Variants in PUDP observed in about 807,000 individuals in gnomAD.
PUDP encodes the protein pseudouridine-5'-phosphatase.
PUDP carries 8 observed loss-of-function variants against 9.4 expected under a neutral mutation model. The observed-to-expected ratio is 0.85, with a 90% CI of 0.50 to 1.53. The LOEUF is 1.53. Ranked by LOEUF, PUDP falls within the 40% of genes most tolerant of loss-of-function variation. The pLI is 0.00. For missense variants in PUDP, 188 were observed against 189.7 expected, an observed-to-expected ratio of 0.99 and a Z score of 0.05; for synonymous variants, 99 against 80.7, an observed-to-expected ratio of 1.23 and a Z score of -1.22.
intron 3 of PUDP, among the ~76,000 whole-genome samples, chrX:7,054,034 G>A (rs750045433): frequency 2.7e-5 from 3 of 112,208 alleles, no homozygotes; most frequent in South Asian, 3.7e-4. Flanking sequence ...GACAAATGTC[G>A]TACATAAAGT....
At chrX:6,811,424 C>T (rs967653629) in intron 3 of PUDP, among the ~76,000 whole-genome samples, 2 of 110,767 alleles carry the variant, frequency 1.8e-5, no homozygotes, top group Non-Finnish European at 3.8e-5. Context: ...AAGCGATTCT[C>T]ATGCCTCAGC....
At chrX:6,718,188 T>A (rs2146653905) in intron 1 of PUDP, among the ~76,000 whole-genome samples, 1 of 111,822 alleles carries the variant, frequency 8.9e-6, no homozygotes, top group South Asian at 3.7e-4. Flanking sequence ...AATATGGAGA[T>A]TTCTCAGAGA....
chrX:6,706,969 G>A (rs751294824), intron 1 of PUDP, among the ~76,000 whole-genome samples: 2 of 111,530 alleles, frequency 1.8e-5, no homozygotes, highest in South Asian at 3.8e-4. Context: ...AAGCGTTCAA[G>A]TCTAGGTGCT....
chrX:6,869,246 T>A (rs56057748), intron 3 of PUDP, among the ~76,000 whole-genome samples: 10,262 of 111,342 alleles, frequency 0.092, 602 homozygotes, highest in East Asian at 0.46. Context: ...ACAACTATCG[T>A]TTTCTTTGCT....
At chrX:6,809,768 T>C (rs1926111824) in intron 3 of PUDP, among the ~76,000 whole-genome samples, 1 of 111,416 alleles carries the variant, frequency 9.0e-6, no homozygotes, top group Admixed American at 9.6e-5. Context: ...AAATAACATG[T>C]ATTCCAATAT....
At chrX:7,084,785 T>C (rs1325222503) in intron 2 of PUDP, 1 of 112,371 alleles carries the variant, frequency 8.9e-6, no homozygotes, top group Admixed American at 9.4e-5. Flanking sequence ...AGATGATGCA[T>C]GTGTTCATTA....
intron 1 of PUDP, among the ~76,000 whole-genome samples, chrX:7,007,505 G>A (rs781046957): frequency 5.3e-5 from 6 of 112,782 alleles, no homozygotes; most frequent in African/African-American, 1.6e-4. Context: ...CACACACAGA[G>A]TGCATGACAC....
At chrX:7,100,858 G>A in intron 2 of PUDP, among the ~76,000 whole-genome samples, 1 of 112,327 alleles carries the variant, frequency 8.9e-6, no homozygotes, top group East Asian at 2.8e-4. Flanking sequence ...GGCACGGCCT[G>A]TCTTTCTGCT....
At chrX:6,846,559 C>G (rs975707356) in intron 3 of PUDP, among the ~76,000 whole-genome samples, 1 of 110,889 alleles carries the variant, frequency 9.0e-6, no homozygotes, top group African/African-American at 3.3e-5. Flanking sequence ...CTGCCCCACC[C>G]TTTGCATTTA....
In PUDP at chrX:6,731,739, G is replaced by GGGAA. The variant is rs200530719; in HGVS notation, c.*248-25277_*248-25274dup. Among the ~76,000 whole-genome samples, 401 of 89,579 alleles carry GGGAA rather than the reference G, an allele frequency of 4.5e-3. 4 individuals are homozygous for GGGAA. The highest frequency in any genetic ancestry group is 0.017 in the African/African-American group (360 of 21,731). The allele number at this position is 89,579 out of a possible 115,157, so 77.8% of individuals were successfully genotyped here. The stretch of plus-strand genomic sequence containing the variant: ...ACCAAAGGAAAGAAGAAAAGAAGGA[G>GGGAA]GGAAGGAAGGAAGGGAGGGAGGGAG... On this transcript the variant is annotated intron_variant and NMD_transcript_variant, in intron 3 of 3. Transcript: ENST00000655425.
intron 3 of PUDP, among the ~76,000 whole-genome samples, chrX:7,072,345 C>T (rs978588976): frequency 8.9e-6 from 1 of 111,960 alleles, no homozygotes; most frequent in Non-Finnish European, 1.9e-5. Context: ...CTTAGGCTGG[C>T]AAAATGAGTC....
At chrX:6,862,898 C>A (rs1388401538) in intron 3 of PUDP, among the ~76,000 whole-genome samples, 3 of 111,497 alleles carry the variant, frequency 2.7e-5, no homozygotes, top group African/African-American at 3.3e-5. Context: ...ATAACACGAG[C>A]CACAAACAGG....
At chrX:6,899,579 A>AT (rs769184174) in intron 3 of PUDP, among the ~76,000 whole-genome samples, 340 of 111,337 alleles carry the variant, frequency 3.1e-3, no homozygotes, top group African/African-American at 0.01. Context: ...TCCCAAAAAA[A>AT]TTTTTTTAAG....
intron 1 of PUDP, chrX:7,117,124 C>T (rs1449305261): frequency 8.2e-6 from 9 of 1,094,787 alleles, no homozygotes; most frequent in African/African-American, 1.8e-5. Context: ...CGGCCTAATA[C>T]AGAAAATTGG....
At chrX:6,914,924 G>T (rs1433538400) in intron 3 of PUDP, among the ~76,000 whole-genome samples, 1 of 112,058 alleles carries the variant, frequency 8.9e-6, no homozygotes, top group Non-Finnish European at 1.9e-5. Flanking sequence ...GAAAGTAATG[G>T]TATATTCAAA....
At chrX:6,877,554 A>G (rs992140713) in intron 3 of PUDP, among the ~76,000 whole-genome samples, 6 of 111,155 alleles carry the variant, frequency 5.4e-5, no homozygotes, top group African/African-American at 2.0e-4. Flanking sequence ...TCTGGGGTGG[A>G]GAGGGGATGG....
chrX:6,810,081 C>T (rs757026942), intron 3 of PUDP, among the ~76,000 whole-genome samples: 519 of 73,797 alleles, frequency 7.0e-3, no homozygotes, highest in African/African-American at 0.036. Flanking sequence ...GTCTCAAAAA[C>T]GAAAACCAAA....
chrX:6,980,679 AC>A (rs1337656423), intron 1 of PUDP, among the ~76,000 whole-genome samples: 2 of 110,887 alleles, frequency 1.8e-5, no homozygotes, highest in Non-Finnish European at 3.8e-5. Context: ...AAAAAAAAAA[AC>A]AACAAGAATG....
intron 3 of PUDP, among the ~76,000 whole-genome samples, chrX:7,055,887 G>T (rs1365618435): frequency 8.9e-6 from 1 of 111,963 alleles, no homozygotes; most frequent in African/African-American, 3.3e-5. Flanking sequence ...TCTCAACACA[G>T]TTTCCGTCTG....
Sources: allele counts gnomAD v4.1 joint callset (sites outside exome capture counted in the v4.1 genomes callset), GRCh38; gene constraint gnomAD v4.1.1; transcripts MANE v1.5; gene names NCBI Gene and HGNC (gene_info 2026-07-23, HGNC 2026-07-21).